Variants in CDH6 observed in about 807,000 individuals in gnomAD.
CDH6 encodes cadherin-6.
In CDH6, 31 loss-of-function variants were observed where a neutral mutation model predicts 78.0. The observed-to-expected ratio is 0.40, with a 90% confidence interval of 0.30 to 0.54. CDH6 has a LOEUF of 0.54. CDH6 is among the 20% of genes least tolerant of loss of function. CDH6 has a pLI of 0.56. For missense variants in CDH6, 724 were observed against 975.9 expected, an observed-to-expected ratio of 0.74 and a Z score of 3.44; for synonymous variants, 376 against 368.8, an observed-to-expected ratio of 1.02 and a Z score of -0.23.
chr5:31,297,264 T>C, intron 3 of CDH6, 25 bp from the exon 4 acceptor site: 1 of 1,602,160 alleles, frequency 6.2e-7, no homozygotes, highest in South Asian at 1.1e-5. Context: ...TGATGTGTTT[T>C]CAGTTTATAT....
At chr5:31,258,795 G>A (rs1284998747) in intron 1 of CDH6, among the ~76,000 whole-genome samples, 1 of 152,044 alleles carries the variant, frequency 6.6e-6, no homozygotes, top group Non-Finnish European at 1.5e-5. Context: ...GGAGACCTCC[G>A]TTGGTGTTAT....
chr5:31,206,022 T>C (rs1197574262), intron 1 of CDH6, among the ~76,000 whole-genome samples: 1 of 152,174 alleles, frequency 6.6e-6, no homozygotes, highest in East Asian at 1.9e-4. Context: ...TTGGTTCTTT[T>C]TGGAGCTAAA....
chr5:31,253,899 A>T (rs1329392100), intron 1 of CDH6, among the ~76,000 whole-genome samples: 1 of 152,152 alleles, frequency 6.6e-6, no homozygotes, highest in Non-Finnish European at 1.5e-5. Context: ...CTGCTTTTTA[A>T]AAAAAGAAAA....
rs187227070 is a variant in CDH6, at chr5:31,199,526, A to G, written c.-129+5640A>G. On this transcript the variant is annotated intron_variant, in intron 1 of 11. Transcript: ENST00000265071. ...TGTGTATATATATGTACACACACAT[A>G]TGTGTATATATATGTATACACACAT... 8.2e-3 allele frequency among the ~76,000 whole-genome samples: 1,165 copies of G among 141,660 alleles called. 10 individuals carry two copies. Among genetic ancestry groups the G allele is most frequent in the Middle Eastern group, 0.011 (3 of 262 alleles). The allele number at this position is 141,660 out of a possible 152,430, so 92.9% of individuals were successfully genotyped here. A position where few individuals can be genotyped will look rare whatever the true frequency, so the allele number is the denominator to read the frequency against.
intron 1 of CDH6, among the ~76,000 whole-genome samples, chr5:31,237,815 T>C (rs1380185827): frequency 6.6e-6 from 1 of 152,200 alleles, no homozygotes; most frequent in Non-Finnish European, 1.5e-5. Context: ...ACAGAATGCA[T>C]TGCTGACCCT....
chr5:31,275,402 C>A (rs538801024), intron 2 of CDH6, among the ~76,000 whole-genome samples: 1 of 152,244 alleles, frequency 6.6e-6, no homozygotes, highest in East Asian at 1.9e-4. Context: ...GCCATCCTTA[C>A]GTCCATGAGT....
At chr5:31,319,901 C>T (rs1738433078) in intron 11 of CDH6, among the ~76,000 whole-genome samples, 1 of 152,194 alleles carries the variant, frequency 6.6e-6, no homozygotes, top group Non-Finnish European at 1.5e-5. Context: ...AGACTGGGCA[C>T]TGTGCTATTA....
intron 1 of CDH6, among the ~76,000 whole-genome samples, chr5:31,217,283 A>G (rs1740892873): frequency 6.6e-6 from 1 of 152,212 alleles, no homozygotes; most frequent in East Asian, 1.9e-4. Context: ...TAAGAAATAC[A>G]TTTCACATCA....
At chr5:31,217,308 C>G (rs774189798) in intron 1 of CDH6, among the ~76,000 whole-genome samples, 15 of 152,126 alleles carry the variant, frequency 9.9e-5, no homozygotes, top group Non-Finnish European at 2.1e-4. Context: ...CTAATGCACA[C>G]ATCCATATAT....
chr5:31,295,377 G>C (rs765784189), intron 3 of CDH6, among the ~76,000 whole-genome samples: 3 of 152,128 alleles, frequency 2.0e-5, no homozygotes, highest in Non-Finnish European at 4.4e-5. Flanking sequence ...ATGAAGAATA[G>C]TCTCTTCATC....
chr5:31,308,857 T>C (rs1356832291), intron 7 of CDH6, among the ~76,000 whole-genome samples: 1 of 152,066 alleles, frequency 6.6e-6, no homozygotes, highest in Non-Finnish European at 1.5e-5. Context: ...ATTATTGCTG[T>C]ATATTATTGT....
chr5:31,320,206 T>C (rs543712585), intron 11 of CDH6, among the ~76,000 whole-genome samples: 1 of 152,304 alleles, frequency 6.6e-6, no homozygotes, highest in Admixed American at 6.5e-5. Flanking sequence ...GAGCTCTCCT[T>C]CTAGACAGCG....
rs1441759849 is a variant in CDH6, at chr5:31,323,717, A to G, written c.*409A>G. 1 of 244,318 alleles carries G rather than the reference A, an allele frequency of 4.1e-6. No homozygotes were observed. Among genetic ancestry groups the G allele is most frequent in the Non-Finnish European group, 8.1e-6 (1 of 123,670 alleles). 15.1% of individuals were successfully genotyped at this position (244,318 alleles called of 1,614,324 possible). A position where few individuals can be genotyped will look rare whatever the true frequency, so the allele number is the denominator to read the frequency against. ...GTGCTTTAAAGATAAAAATATCATC[A>G]TAGTAAAAGAAATGAGGGCATATCG... On this transcript the variant is annotated 3_prime_UTR_variant, in exon 12 of 12. Transcript: ENST00000265071.
In CDH6 at chr5:31,254,700, A is replaced by G. The variant is rs115238084; in HGVS notation, c.-128-12646A>G. ...AATTTTCTTAATAATGATATTGATA[A>G]TTAGTGCGATGTGCGCATTTTATTT... On this transcript the variant is annotated intron_variant, in intron 1 of 11. Transcript: ENST00000265071. Among the ~76,000 whole-genome samples, 269 of 152,358 alleles carry G rather than the reference A, an allele frequency of 1.8e-3. 1 individual carries two copies. Among genetic ancestry groups the G allele is most frequent in the African/African-American group, 6.0e-3 (248 of 41,584 alleles).
At chr5:31,293,915 C>T (rs780663715) in intron 2 of CDH6, 47 bp from the exon 3 acceptor site, 9 of 1,304,560 alleles carry the variant, frequency 6.9e-6, no homozygotes, top group African/African-American at 1.5e-5. Flanking sequence ...CAGTTTAGAA[C>T]CACATGCTTG....
rs1742932263 is a variant in CDH6, at chr5:31,283,809, TTC to T, written c.229-10147_229-10146del. Among the ~76,000 whole-genome samples, 3 of 143,376 alleles carry T rather than the reference TTC, an allele frequency of 2.1e-5. No homozygotes were observed. The South Asian group carries it at 6.5e-4, about 31-fold the overall frequency. The allele number at this position is 143,376 out of a possible 152,430, so 94.1% of individuals were successfully genotyped here. ...TTGTCAGAAAAATAGATTTTCTAGA[TTC>T]TCTCTTTTTTTTATTTTTTTTAAGA... On this transcript the variant is annotated intron_variant, in intron 2 of 11. Transcript: ENST00000265071.
At chr5:31,205,804 AT>A (rs1278717935) in intron 1 of CDH6, among the ~76,000 whole-genome samples, 3 of 152,194 alleles carry the variant, frequency 2.0e-5, no homozygotes, top group African/African-American at 7.2e-5. Context: ...TTACTTAAGG[AT>A]TAAAAATAAG....
intron 1 of CDH6, among the ~76,000 whole-genome samples, chr5:31,195,074 C>T (rs1172271773): frequency 6.6e-6 from 1 of 151,458 alleles, no homozygotes; most frequent in Non-Finnish European, 1.5e-5. Context: ...TTTCTGTCTC[C>T]TACTCCCATT....
intron 1 of CDH6, among the ~76,000 whole-genome samples, chr5:31,217,096 A>C (rs947830153): frequency 6.6e-6 from 1 of 152,150 alleles, no homozygotes; most frequent in Non-Finnish European, 1.5e-5. Context: ...GACCTGTTAA[A>C]TGAAGTGGGG....
Sources: allele counts gnomAD v4.1 joint callset (sites outside exome capture counted in the v4.1 genomes callset), GRCh38; gene constraint gnomAD v4.1.1; transcripts MANE v1.5; gene names NCBI Gene and HGNC (gene_info 2026-07-23, HGNC 2026-07-21).